Variants in NTRK2 observed in about 807,000 individuals in gnomAD.
The protein encoded by NTRK2 is BDNF/NT-3 growth factors receptor.
In NTRK2, 13 loss-of-function variants were observed where a neutral mutation model predicts 94.5. The ratio of observed to expected loss-of-function variants is 0.14; its 90% CI spans 0.09 to 0.22. NTRK2 has a LOEUF of 0.22. Ranked by LOEUF, NTRK2 falls within the 10% of genes least tolerant of loss-of-function variation. The pLI, the probability that NTRK2 is intolerant of heterozygous loss-of-function variation, is 1.00. For synonymous variants in NTRK2, 372 were observed against 407.4 expected (o/e 0.91, Z 1.05); for missense variants, 639 against 1,071.2 (o/e 0.60, Z 5.63).
At chr9:84,758,588 T>G (rs955778637) in intron 12 of NTRK2, among the ~76,000 whole-genome samples, 2 of 152,032 alleles carry the variant, frequency 1.3e-5, no homozygotes, top group African/African-American at 4.8e-5. Flanking sequence ...ATGGGGTTTC[T>G]CCATGTTGGT....
At chr9:84,924,965 A>C (rs939541358) in intron 14 of NTRK2, among the ~76,000 whole-genome samples, 12 of 152,138 alleles carry the variant, frequency 7.9e-5, no homozygotes, top group Admixed American at 6.5e-4. Context: ...TGCAAGGCTA[A>C]ATAGAGAGGC....
intron 13 of NTRK2, among the ~76,000 whole-genome samples, chr9:84,865,037 C>A (rs2132034578): frequency 6.6e-6 from 1 of 152,200 alleles, no homozygotes; most frequent in African/African-American, 2.4e-5. Context: ...CCATGCCCGG[C>A]CAACACATCT....
intron 12 of NTRK2, among the ~76,000 whole-genome samples, chr9:84,797,645 ATAATAATATATATAT>A (rs1225339344): frequency 1.7e-5 from 1 of 58,410 alleles, no homozygotes; most frequent in African/African-American, 9.2e-5. Flanking sequence ...TATATATACT[ATAATAATATATATAT>A]TATATATTAT....
chr9:84,945,907 C>T (rs990680075), intron 15 of NTRK2, among the ~76,000 whole-genome samples: 4 of 152,132 alleles, frequency 2.6e-5, no homozygotes, highest in Non-Finnish European at 2.9e-5. Context: ...ATCCCGAGAG[C>T]GTGCCCTAAT....
At chr9:84,935,018 C>T (rs768869900) in intron 15 of NTRK2, among the ~76,000 whole-genome samples, 27 of 152,152 alleles carry the variant, frequency 1.8e-4, no homozygotes, top group Non-Finnish European at 2.4e-4. Flanking sequence ...AAAAATAGCA[C>T]AAAAGGCTTC....
chr9:84,781,143 T>C (rs2067524263), intron 12 of NTRK2, among the ~76,000 whole-genome samples: 2 of 152,206 alleles, frequency 1.3e-5, no homozygotes, highest in Non-Finnish European at 2.9e-5. Context: ...TGTTTGTATG[T>C]TCCGGTGTCC....
intron 12 of NTRK2, among the ~76,000 whole-genome samples, chr9:84,769,750 A>G (rs1476092689): frequency 6.6e-6 from 1 of 152,186 alleles, no homozygotes; most frequent in Non-Finnish European, 1.5e-5. Flanking sequence ...GAAAACCACA[A>G]CAGTAGTGGG....
At chr9:84,807,779 A>T (rs570589652) in intron 12 of NTRK2, among the ~76,000 whole-genome samples, 28 of 152,270 alleles carry the variant, frequency 1.8e-4, no homozygotes, top group African/African-American at 6.0e-4. Flanking sequence ...TGAGATCCTG[A>T]TAGGTAAATC....
intron 6 of NTRK2, among the ~76,000 whole-genome samples, chr9:84,711,114 A>G (rs1055710962): frequency 1.3e-5 from 2 of 152,196 alleles, no homozygotes; most frequent in Admixed American, 6.5e-5. Flanking sequence ...TGCAAAAACT[A>G]TCTGCTAAAA....
chr9:84,685,893 G>A (rs934132138), intron 2 of NTRK2, among the ~76,000 whole-genome samples: 19 of 152,300 alleles, frequency 1.2e-4, no homozygotes, highest in Middle Eastern at 3.4e-3. Context: ...TGTACACACC[G>A]TTAGGACATA....
chr9:84,955,218 G>A (rs1823963177), intron 16 of NTRK2, 65 bp from the exon 17 acceptor site: 1 of 1,374,020 alleles, frequency 7.3e-7, no homozygotes, highest in Admixed American at 2.0e-5. Flanking sequence ...GGAGGGGCAG[G>A]GGCAAAGGGC....
At chr9:84,975,798 T>TTGTGTGAATACAATTCAC (rs760560250) in intron 17 of NTRK2, among the ~76,000 whole-genome samples, 2 of 146,518 alleles carry the variant, frequency 1.4e-5, no homozygotes, top group African/African-American at 5.5e-5. Context: ...ATTCACACAA[T>TTGTGTGAATACAATTCAC]ACAATACAAT....
intron 15 of NTRK2, among the ~76,000 whole-genome samples, chr9:84,939,067 A>AAAAAAAAAAG (rs1554772373): frequency 6.9e-5 from 10 of 144,498 alleles, no homozygotes; most frequent in Admixed American, 4.5e-4. Flanking sequence ...AAAAAAAAAA[A>AAAAAAAAAAG]AAAAGAAAAG....
At chr9:84,788,551 G>T (rs2068375764) in intron 12 of NTRK2, among the ~76,000 whole-genome samples, 1 of 152,198 alleles carries the variant, frequency 6.6e-6, no homozygotes, top group Admixed American at 6.5e-5. Context: ...GAAGCCACTT[G>T]AACTTGGATG....
chr9:84,698,513 ACT>A (rs1036490887), intron 2 of NTRK2, among the ~76,000 whole-genome samples: 181 of 152,100 alleles, frequency 1.2e-3, no homozygotes, highest in Admixed American at 5.2e-3. Flanking sequence ...TATTACAATG[ACT>A]CTTCTTGAGT....
intron 12 of NTRK2, chr9:84,811,888 AAG>A: frequency 9.4e-7 from 1 of 1,064,608 alleles, no homozygotes; most frequent in Non-Finnish European, 1.1e-6. Flanking sequence ...GCTTGTCCTG[AAG>A]AGAGGTTTGG....
intron 2 of NTRK2, among the ~76,000 whole-genome samples, chr9:84,680,755 C>T (rs2059342847): frequency 6.6e-6 from 1 of 152,112 alleles, no homozygotes; most frequent in Non-Finnish European, 1.5e-5. Context: ...GTCTATTTTC[C>T]TATCTCTTAT....
rs1418232788 is a variant in NTRK2 at position 85,026,876 on chromosome 9, A to G, written c.*5439A>G. 1 of 232,728 alleles carries G rather than the reference A, an allele frequency of 4.3e-6. No homozygotes were observed. The highest frequency in any genetic ancestry group is 5.6e-5 in the Admixed American group (1 of 17,742). The allele number at this position is 232,728 out of a possible 1,614,324, so 14.4% of individuals were successfully genotyped here. The stretch of plus-strand genomic sequence containing the variant: ...AATCTGTTTTGAGGTCCATTGCTTT[A>G]CTAAGACCCACTGCATCTTGGCTGA... On this transcript the variant is annotated 3_prime_UTR_variant, in exon 19 of 19. Coordinates refer to ENST00000277120, the MANE Select transcript of NTRK2 (RefSeq NM_006180.6).
intron 12 of NTRK2, among the ~76,000 whole-genome samples, chr9:84,752,398 A>G (rs2064709911): frequency 6.6e-6 from 1 of 152,220 alleles, no homozygotes; most frequent in Non-Finnish European, 1.5e-5. Flanking sequence ...GGCAGGTGAG[A>G]CACAGTGGGG....
Sources: allele counts gnomAD v4.1 joint callset (sites outside exome capture counted in the v4.1 genomes callset), GRCh38; gene constraint gnomAD v4.1.1; transcripts MANE v1.5; gene names NCBI Gene and HGNC (gene_info 2026-07-23, HGNC 2026-07-21).